PPARGC1A: variants seen among roughly 807,000 people sequenced by gnomAD.
The protein encoded by PPARGC1A is PPARG coactivator 1 alpha, also known as peroxisome proliferator-activated receptor gamma coactivator 1-alpha.
A neutral mutation model predicts 88.7 loss-of-function variants in PPARGC1A; 25 were observed. The ratio of observed to expected loss-of-function variants is 0.28; its 90% CI spans 0.21 to 0.39. PPARGC1A has a LOEUF of 0.39. Among genes scored for constraint, PPARGC1A ranks in the 10% least tolerant of loss-of-function variants. The probability of loss-of-function intolerance (pLI) is 1.00; values close to 1 mark genes in which losing one functional copy is unlikely to be tolerated. For synonymous variants in PPARGC1A, 363 were observed against 355.6 expected (o/e 1.02, Z -0.24); for missense variants, 880 against 968.7 (o/e 0.91, Z 1.22).
the PPARGC1A span, among the ~76,000 whole-genome samples, chr4:24,387,126 A>G: frequency 6.6e-6 from 1 of 152,338 alleles, no homozygotes; most frequent in East Asian, 1.9e-4. Flanking sequence ...ATCTGACAAA[A>G]ACAAGCAACG....
At chr4:24,326,323 C>G in the PPARGC1A span, among the ~76,000 whole-genome samples, 2 of 152,076 alleles carry the variant, frequency 1.3e-5, no homozygotes, top group African/African-American at 4.8e-5. Flanking sequence ...TAAAACCAGA[C>G]AAGCCTTACA....
chr4:23,937,036 C>A, the PPARGC1A span, among the ~76,000 whole-genome samples: 1 of 151,786 alleles, frequency 6.6e-6, no homozygotes, highest in East Asian at 1.9e-4. Flanking sequence ...ACGAAGAAGA[C>A]CAGAGACCAG....
rs950122859 is a variant in PPARGC1A, at chr4:23,795,044, GAAAAA to G, written c.*773_*777del. 2 of 123,306 alleles carry G rather than the reference GAAAAA, an allele frequency of 1.6e-5. No homozygotes were observed. The highest frequency in any genetic ancestry group is 1.6e-4 in the Admixed American group (2 of 12,332). 7.6% of individuals were successfully genotyped at this position (123,306 alleles called of 1,614,324 possible). A position where few individuals can be genotyped will look rare whatever the true frequency, so the allele number is the denominator to read the frequency against. On this transcript the variant is annotated 3_prime_UTR_variant, in exon 13 of 13. Transcript: ENST00000264867. ...CCAGATTCCATGGCAAAAGGAAAAA[GAAAAA>G]AAAAAGAGAGAGAGAGAGAGAGAGA... is the stretch of plus-strand genomic sequence containing the variant.
chr4:24,002,498 C>G, the PPARGC1A span, among the ~76,000 whole-genome samples: 1 of 152,032 alleles, frequency 6.6e-6, no homozygotes, highest in Non-Finnish European at 1.5e-5. Context: ...TACTAATCTC[C>G]TTGCAATGTG....
the PPARGC1A span, among the ~76,000 whole-genome samples, chr4:24,331,509 T>G: frequency 6.6e-6 from 1 of 152,344 alleles, no homozygotes; most frequent in Middle Eastern, 3.4e-3. Flanking sequence ...CATGCCCATC[T>G]TGTTTATTGC....
chr4:24,034,843 A>G, the PPARGC1A span, among the ~76,000 whole-genome samples: 2 of 152,222 alleles, frequency 1.3e-5, no homozygotes, highest in Admixed American at 1.3e-4. Context: ...CAGAAACCAA[A>G]GTGGCACATA....
chr4:24,412,762 T>C, the PPARGC1A span, among the ~76,000 whole-genome samples: 1 of 152,212 alleles, frequency 6.6e-6, no homozygotes, highest in African/African-American at 2.4e-5. Context: ...TTACAGGGCC[T>C]GAGCCACCGC....
chr4:23,863,363 G>A (rs1343505944), intron 2 of PPARGC1A, among the ~76,000 whole-genome samples: 5 of 151,972 alleles, frequency 3.3e-5, no homozygotes, highest in African/African-American at 1.2e-4. Flanking sequence ...TGCTCCTCCT[G>A]ACTTAACCTT....
chr4:24,044,344 G>C, the PPARGC1A span, among the ~76,000 whole-genome samples: 1 of 152,296 alleles, frequency 6.6e-6, no homozygotes, highest in African/African-American at 2.4e-5. Flanking sequence ...ATTCTAATCT[G>C]AGTTGTACCA....
the PPARGC1A span, among the ~76,000 whole-genome samples, chr4:24,443,712 T>C: frequency 6.7e-6 from 1 of 148,390 alleles, no homozygotes; most frequent in Non-Finnish European, 1.5e-5. Flanking sequence ...CCTGCCACCA[T>C]GCCCGGCTAA....
the PPARGC1A span, among the ~76,000 whole-genome samples, chr4:24,076,910 C>T: frequency 0.028 from 4,202 of 152,008 alleles, 185 homozygotes; most frequent in African/African-American, 0.095. Flanking sequence ...TTTTGTTCAC[C>T]GCTGAACTAT....
the PPARGC1A span, among the ~76,000 whole-genome samples, chr4:24,353,858 C>T: frequency 6.6e-6 from 1 of 152,332 alleles, no homozygotes; most frequent in African/African-American, 2.4e-5. Flanking sequence ...AGGGTACACA[C>T]ACTAGGTTCA....
the PPARGC1A span, among the ~76,000 whole-genome samples, chr4:23,993,651 C>T: frequency 6.6e-6 from 1 of 152,086 alleles, no homozygotes. Flanking sequence ...CCCAAAGACA[C>T]ACAGCTCAGC....
intron 2 of PPARGC1A, among the ~76,000 whole-genome samples, chr4:23,856,995 A>C (rs979927628): frequency 2.0e-5 from 3 of 152,190 alleles, no homozygotes; most frequent in Admixed American, 6.5e-5. Flanking sequence ...AATTAAGTGC[A>C]AGCATTGAAC....
At chr4:24,048,860 T>C in the PPARGC1A span, among the ~76,000 whole-genome samples, 1 of 152,180 alleles carries the variant, frequency 6.6e-6, no homozygotes, top group African/African-American at 2.4e-5. Flanking sequence ...GATACACTAA[T>C]TCCAACTAAT....
the PPARGC1A span, among the ~76,000 whole-genome samples, chr4:24,306,762 G>T: frequency 6.6e-6 from 1 of 152,184 alleles, no homozygotes; most frequent in Non-Finnish European, 1.5e-5. Context: ...GCAGGTCATA[G>T]CTTGCTCACC....
intron 12 of PPARGC1A, among the ~76,000 whole-genome samples, chr4:23,800,142 CTGTATT>C (rs1474871643): frequency 1.3e-5 from 2 of 152,066 alleles, no homozygotes; most frequent in Admixed American, 1.3e-4. Flanking sequence ...AAAAAAATCC[CTGTATT>C]TGTATTTGTT....
At chr4:24,453,550 T>C in the PPARGC1A span, among the ~76,000 whole-genome samples, 1 of 152,182 alleles carries the variant, frequency 6.6e-6, no homozygotes, top group African/African-American at 2.4e-5. Flanking sequence ...GGAGGCCAAG[T>C]GGGTGGATCA....
the PPARGC1A span, among the ~76,000 whole-genome samples, chr4:24,034,711 T>C: frequency 6.6e-6 from 1 of 152,122 alleles, no homozygotes; most frequent in Admixed American, 6.5e-5. Flanking sequence ...ACATGCTAGA[T>C]GATGACAGTG....
Sources: allele counts gnomAD v4.1 joint callset (sites outside exome capture counted in the v4.1 genomes callset), GRCh38; gene constraint gnomAD v4.1.1; transcripts MANE v1.5; gene names NCBI Gene and HGNC (gene_info 2026-07-23, HGNC 2026-07-21).